Variants in NAALAD2 observed in about 807,000 individuals in gnomAD.
NAALAD2 encodes N-acetylated alpha-linked acidic dipeptidase 2, also known as N-acetylated-alpha-linked acidic dipeptidase 2.
In NAALAD2, 89 loss-of-function variants were observed where a neutral mutation model predicts 95.6. The ratio of observed to expected loss-of-function variants is 0.93; its 90% CI spans 0.78 to 1.11. The LOEUF is 1.11. Among genes scored for constraint, NAALAD2 ranks in the 50% least tolerant of loss-of-function variants. The pLI, the probability that NAALAD2 is intolerant of heterozygous loss-of-function variation, is 0.00. For missense variants in NAALAD2, 894 were observed against 872.4 expected (o/e 1.02, Z -0.31); for synonymous variants, 264 against 294.4 (o/e 0.90, Z 1.06).
intron 15 of NAALAD2, among the ~76,000 whole-genome samples, chr11:90,177,216 A>C (rs1196335419): frequency 6.6e-6 from 1 of 152,188 alleles, no homozygotes; most frequent in African/African-American, 2.4e-5. Context: ...TAATTATGTA[A>C]TAAAGCTTAA....
intron 2 of NAALAD2, among the ~76,000 whole-genome samples, chr11:90,141,908 T>C (rs752793796): frequency 2.6e-5 from 4 of 152,156 alleles, no homozygotes; most frequent in Non-Finnish European, 5.9e-5. Context: ...TTAAGAAAAA[T>C]TGCCTCTTTG....
chr11:90,166,367 T>G (rs1286437694), intron 11 of NAALAD2, among the ~76,000 whole-genome samples: 2 of 152,176 alleles, frequency 1.3e-5, no homozygotes, highest in Non-Finnish European at 2.9e-5. Context: ...AATGTGTGCC[T>G]CCTCTAATTT....
At chr11:90,150,073 G>GA (rs1165266891) in intron 4 of NAALAD2, among the ~76,000 whole-genome samples, 3 of 151,970 alleles carry the variant, frequency 2.0e-5, no homozygotes, top group Admixed American at 1.3e-4. Flanking sequence ...CCAACATGGT[G>GA]AAACCCATCT....
chr11:90,183,528 C>T (rs1264086232), intron 18 of NAALAD2, among the ~76,000 whole-genome samples: 2 of 152,080 alleles, frequency 1.3e-5, no homozygotes, highest in East Asian at 3.8e-4. Flanking sequence ...AGCTCTATTT[C>T]CATATAGTAT....
intron 6 of NAALAD2, among the ~76,000 whole-genome samples, chr11:90,155,454 A>AT (rs1158109563): frequency 9.0e-5 from 10 of 111,730 alleles, no homozygotes; most frequent in Non-Finnish European, 1.3e-4. Flanking sequence ...ATAATATGTA[A>AT]TATGTAATAT....
chr11:90,148,975 T>C (rs2134860472), intron 3 of NAALAD2, 31 bp from the exon 4 acceptor site: 1 of 1,375,502 alleles, frequency 7.3e-7, no homozygotes, highest in East Asian at 2.3e-5. Context: ...TCTGGAATTT[T>C]TCTAACTTGA....
intron 11 of NAALAD2, chr11:90,164,091 A>G (rs2134922410): frequency 5.4e-6 from 1 of 185,630 alleles, no homozygotes; most frequent in African/African-American, 2.3e-5. Flanking sequence ...TAAAATGGCA[A>G]CCATAAGTAT....
At chr11:90,184,857 A>G (rs1218271304) in intron 18 of NAALAD2, among the ~76,000 whole-genome samples, 8 of 152,090 alleles carry the variant, frequency 5.3e-5, no homozygotes, top group Non-Finnish European at 2.9e-5. Flanking sequence ...CAGATAGAAT[A>G]TATTTGAAAA....
chr11:90,171,171 T>G (rs921392927), intron 13 of NAALAD2, among the ~76,000 whole-genome samples: 14 of 152,228 alleles, frequency 9.2e-5, no homozygotes, highest in African/African-American at 2.9e-4. Context: ...TCATTTAATA[T>G]CTGTGAACAT....
chr11:90,150,616 T>C lies in NAALAD2; in HGVS notation c.609+9T>C. 1.9e-6 allele frequency: 3 copies of C among 1,575,350 alleles called. No individual in the cohort carries two copies. Among genetic ancestry groups the C allele is most frequent in the Non-Finnish European group, 2.6e-6 (3 of 1,150,874 alleles). On this transcript the variant is annotated intron_variant, in intron 5 of 18. Transcript: ENST00000534061. The stretch of plus-strand genomic sequence containing the variant: ...TCTTCAGAGGAAATAAAGTACAGTA[T>C]TATTTGTTTTTCTACAGAGAATGAG...
intron 1 of NAALAD2, among the ~76,000 whole-genome samples, 160 bp from the exon 2 acceptor site, chr11:90,135,399 T>C (rs1049776594): frequency 6.6e-6 from 1 of 152,214 alleles, no homozygotes; most frequent in Non-Finnish European, 1.5e-5. Flanking sequence ...TTTACAGGTT[T>C]TCTGCATTTA....
chr11:90,184,241 AT>A (rs1264685405), intron 18 of NAALAD2, among the ~76,000 whole-genome samples: 2 of 152,160 alleles, frequency 1.3e-5, no homozygotes, highest in African/African-American at 4.8e-5. Context: ...CATTTAGATA[AT>A]TACAAGCATA....
rs368877784 is a variant in NAALAD2, at chr11:90,175,936, G to C, written c.1503-36G>C. On this transcript the variant is annotated intron_variant, in intron 14 of 18. Transcript: ENST00000534061. ...GTATCATTTACTTGTTTATGTGTGTGTGTGTGTGTGTGTGTGGATTGCATT... is the reference window on the plus strand; with the variant it reads ...GTATCATTTACTTGTTTATGTGTGTCTGTGTGTGTGTGTGTGGATTGCATT... 168 of 1,222,840 alleles carry C rather than the reference G, an allele frequency of 1.4e-4. 2 individuals carry two copies. Among genetic ancestry groups the C allele is most frequent in the Admixed American group, 3.5e-4 (21 of 59,416 alleles). The allele number at this position is 1,222,840 out of a possible 1,614,324, so 75.7% of individuals were successfully genotyped here.
intron 2 of NAALAD2, among the ~76,000 whole-genome samples, chr11:90,143,854 A>G (rs1436157134): frequency 6.6e-6 from 1 of 152,196 alleles, no homozygotes; most frequent in African/African-American, 2.4e-5. Flanking sequence ...TAACCTCACC[A>G]TAAGTTGAGT....
At chr11:90,157,197 G>A (rs1391227854) in intron 6 of NAALAD2, among the ~76,000 whole-genome samples, 2 of 152,088 alleles carry the variant, frequency 1.3e-5, no homozygotes. Flanking sequence ...ATTATCTCAT[G>A]AAGCTACTTA....
intron 4 of NAALAD2, among the ~76,000 whole-genome samples, chr11:90,150,091 T>TA (rs1422423499): frequency 1.3e-5 from 2 of 151,770 alleles, no homozygotes; most frequent in African/African-American, 4.8e-5. Flanking sequence ...TCTCTACTGT[T>TA]AAAAAATACA....
chr11:90,163,202 C>T (rs1952344138), intron 9 of NAALAD2, 108 bp from the exon 10 acceptor site: 4 of 1,316,330 alleles, frequency 3.0e-6, no homozygotes, highest in Non-Finnish European at 4.2e-6. Context: ...ATAGTGTTGT[C>T]TTCTATAGAG....
intron 15 of NAALAD2, among the ~76,000 whole-genome samples, chr11:90,177,344 A>G (rs965568574): frequency 1.3e-5 from 2 of 151,188 alleles, no homozygotes; most frequent in African/African-American, 4.9e-5. Flanking sequence ...CAATTGATAG[A>G]TAACTTTGAA....
At chr11:90,173,993 A>G (rs1952713952) in intron 14 of NAALAD2, 78 bp downstream of exon 14, 1 of 987,106 alleles carries the variant, frequency 1.0e-6, no homozygotes, top group Non-Finnish European at 1.6e-6. Context: ...TCCAAGCATG[A>G]AATTCTCAAG....
Sources: allele counts gnomAD v4.1 joint callset (sites outside exome capture counted in the v4.1 genomes callset), GRCh38; gene constraint gnomAD v4.1.1; transcripts MANE v1.5; gene names NCBI Gene and HGNC (gene_info 2026-07-23, HGNC 2026-07-21).